C12orf50: variants seen among roughly 807,000 people sequenced by gnomAD.
The protein encoded by C12orf50 is uncharacterized protein C12orf50.
In C12orf50, 35 loss-of-function variants were observed where a neutral mutation model predicts 61.6. The observed-to-expected ratio is 0.57, with a 90% CI of 0.43 to 0.75. The LOEUF is 0.75. C12orf50 is among the 30% of genes least tolerant of loss of function. The pLI is 0.00. For synonymous variants in C12orf50, 178 were observed against 161.5 expected (o/e 1.10, Z -0.77); for missense variants, 475 against 488.5 (o/e 0.97, Z 0.26).
chr12:87,990,966 G>C (rs2031093303), intron 7 of C12orf50, among the ~76,000 whole-genome samples: 1 of 152,114 alleles, frequency 6.6e-6, no homozygotes, highest in South Asian at 2.1e-4. Flanking sequence ...CATACTGCTT[G>C]GGAGGTAAAA....
chr12:88,020,347 AAAATCTACCAAGC>A (rs2032469518), intron 3 of C12orf50, among the ~76,000 whole-genome samples: 1 of 152,364 alleles, frequency 6.6e-6, no homozygotes, highest in African/African-American at 2.4e-5. Flanking sequence ...GAAATTGTGA[AAAATCTACCAAGC>A]AAATGGAAAA....
At chr12:88,024,911 GC>G (rs1293341264) in intron 3 of C12orf50, among the ~76,000 whole-genome samples, 1 of 152,138 alleles carries the variant, frequency 6.6e-6, no homozygotes, top group Non-Finnish European at 1.5e-5. Context: ...CTGGAAATTG[GC>G]CACTGGATTT....
intron 3 of C12orf50, among the ~76,000 whole-genome samples, chr12:88,005,048 T>TA (rs564616687): frequency 2.4e-4 from 36 of 150,220 alleles, no homozygotes; most frequent in Admixed American, 7.3e-4. Context: ...AAATAAAAGT[T>TA]AAAAAAAAAA....
intron 12 of C12orf50, among the ~76,000 whole-genome samples, chr12:87,981,220 G>A (rs2136392144): frequency 6.6e-6 from 1 of 152,164 alleles, no homozygotes; most frequent in East Asian, 1.9e-4. Context: ...GGTGTTCTCT[G>A]TACCCCACCT....
At chr12:87,995,418 G>A (rs946569458) in intron 6 of C12orf50, among the ~76,000 whole-genome samples, 17 of 152,106 alleles carry the variant, frequency 1.1e-4, no homozygotes, top group African/African-American at 3.6e-4. Flanking sequence ...AAGCAAAGAG[G>A]TATCATGTCT....
chr12:87,994,200 CATAAATAAATAA>C (rs35524012), intron 7 of C12orf50, among the ~76,000 whole-genome samples: 7 of 151,122 alleles, frequency 4.6e-5, no homozygotes, highest in African/African-American at 4.9e-5. Context: ...ACTTCCATCT[CATAAATAAATAA>C]ATAAATAAAT....
chr12:87,995,014 A>G (rs890415997), intron 6 of C12orf50, among the ~76,000 whole-genome samples: 1 of 152,146 alleles, frequency 6.6e-6, no homozygotes, highest in Non-Finnish European at 1.5e-5. Context: ...TATACATAAT[A>G]TATCTAGTTT....
chr12:88,018,579 G>T (rs918691336), intron 3 of C12orf50, among the ~76,000 whole-genome samples: 1 of 152,176 alleles, frequency 6.6e-6, no homozygotes, highest in Non-Finnish European at 1.5e-5. Context: ...CCCAGAATGG[G>T]TAGATTCACT....
rs966840365 is a variant in C12orf50, at chr12:88,018,395, C to T, written c.133+8093G>A. 3.3e-5 allele frequency among the ~76,000 whole-genome samples: 5 copies of T among 152,148 alleles called. No homozygotes were observed. In the South Asian group the frequency reaches 8.3e-4, roughly 25 times the overall value. The stretch of plus-strand genomic sequence containing the variant: ...GAACCTCTGCCTAGATTTCAGAGGG[C>T]GTGTGGAAATGCCTGGATGCCCAGG... On this transcript the variant is annotated intron_variant, in intron 3 of 12. Coordinates refer to ENST00000298699, the MANE Select transcript of C12orf50 (RefSeq NM_152589.3).
chr12:87,988,047 C>T lies in C12orf50; in HGVS notation c.701-81G>A, dbSNP rs2030922791. On this transcript the variant is annotated intron_variant, in intron 8 of 12. Transcript: ENST00000298699. Reference sequence around the variant, plus strand: ...TTCAGTTGTTATTTCACTATTCAAACATTACATAATGGGAACACCTCTTTA... The same window carrying T: ...TTCAGTTGTTATTTCACTATTCAAATATTACATAATGGGAACACCTCTTTA... 3.0e-5 allele frequency: 24 copies of T among 805,676 alleles called. No individual in the cohort carries two copies. In the South Asian group the frequency reaches 3.7e-4, roughly 12 times the overall value. The allele number at this position is 805,676 out of a possible 1,614,324, so 49.9% of individuals were successfully genotyped here.
At chr12:88,028,834 A>G (rs551319157) in intron 1 of C12orf50, among the ~76,000 whole-genome samples, 1 of 152,258 alleles carries the variant, frequency 6.6e-6, no homozygotes, top group African/African-American at 2.4e-5. Context: ...TATAACTGGT[A>G]TATATAAGGG....
At chr12:88,014,364 C>T (rs547647587) in intron 3 of C12orf50, among the ~76,000 whole-genome samples, 28 of 152,120 alleles carry the variant, frequency 1.8e-4, no homozygotes, top group South Asian at 4.1e-4. Context: ...TGCAGTGGCG[C>T]GATTTCGGCT....
chr12:88,002,119 T>C (rs562364133), intron 3 of C12orf50, among the ~76,000 whole-genome samples: 2 of 151,928 alleles, frequency 1.3e-5, no homozygotes, highest in Admixed American at 6.6e-5. Flanking sequence ...TTAAAAAATA[T>C]ATAGGCATTT....
intron 6 of C12orf50, among the ~76,000 whole-genome samples, chr12:87,995,823 C>G (rs2031360255): frequency 6.6e-6 from 1 of 152,170 alleles, no homozygotes; most frequent in African/African-American, 2.4e-5. Flanking sequence ...CGCTACAAAA[C>G]AGACTTGCAC....
chr12:87,987,754 T>A, intron 9 of C12orf50, 96 bp downstream of exon 9: 1 of 818,768 alleles, frequency 1.2e-6, no homozygotes, highest in Non-Finnish European at 2.0e-6. Context: ...AAACCTTTTT[T>A]CTTTCTTTTT....
At chr12:88,005,784 A>G (rs376493774) in intron 3 of C12orf50, among the ~76,000 whole-genome samples, 46 of 151,154 alleles carry the variant, frequency 3.0e-4, no homozygotes, top group African/African-American at 8.2e-4. Flanking sequence ...TTGCCTGCCC[A>G]GTAGTTACCT....
At chr12:87,993,449 T>C (rs1443599818) in intron 7 of C12orf50, among the ~76,000 whole-genome samples, 5 of 152,192 alleles carry the variant, frequency 3.3e-5, no homozygotes, top group Non-Finnish European at 5.9e-5. Flanking sequence ...CTAAAACTTA[T>C]TGCTTCAAGG....
chr12:87,985,662 C>T, intron 11 of C12orf50, 188 bp downstream of exon 11: 2 of 637,056 alleles, frequency 3.1e-6, no homozygotes, highest in Non-Finnish European at 5.5e-6. Context: ...CATGAGTTTT[C>T]TTCCATATCC....
rs141612505 is a variant in C12orf50, at chr12:88,011,483, T to C, written c.134-13293A>G. On this transcript the variant is annotated intron_variant, in intron 3 of 12. Transcript: ENST00000298699. Reference sequence around the variant, plus strand: ...AACAATTGATAATGATAACACTGATTACTCACTCTTTGCCAAGAATTCTAA... The same window carrying C: ...AACAATTGATAATGATAACACTGATCACTCACTCTTTGCCAAGAATTCTAA... Among the ~76,000 whole-genome samples, 128 of 152,316 alleles carry C rather than the reference T, an allele frequency of 8.4e-4. 1 individual carries two copies. The highest frequency in any genetic ancestry group is 3.0e-3 in the African/African-American group (124 of 41,582).
Sources: allele counts gnomAD v4.1 joint callset (sites outside exome capture counted in the v4.1 genomes callset), GRCh38; gene constraint gnomAD v4.1.1; transcripts MANE v1.5; gene names NCBI Gene and HGNC (gene_info 2026-07-23, HGNC 2026-07-21).